Variants in DIAPH3 observed in about 807,000 individuals in gnomAD.
DIAPH3 encodes the protein protein diaphanous homolog 3.
A neutral mutation model predicts 144.3 loss-of-function variants in DIAPH3; 117 were observed. The ratio of observed to expected loss-of-function variants is 0.81; its 90% CI spans 0.70 to 0.95. The LOEUF (loss-of-function observed/expected upper bound fraction) is 0.95. Among genes scored for constraint, DIAPH3 ranks in the 40% least tolerant of loss-of-function variants. DIAPH3 has a pLI of 0.00. For synonymous variants in DIAPH3, 519 were observed against 488.9 expected, an observed-to-expected ratio of 1.06 and a Z score of -0.81; for missense variants, 1,421 against 1,412.7, an observed-to-expected ratio of 1.01 and a Z score of -0.09.
At chr13:60,149,073 A>C (rs1869983164) in intron 1 of DIAPH3, among the ~76,000 whole-genome samples, 2 of 152,246 alleles carry the variant, frequency 1.3e-5, no homozygotes, top group South Asian at 2.1e-4. Flanking sequence ...CAAAGGGTCA[A>C]GGGAAAGTTG....
chr13:59,953,357 G>T (rs1404142592), intron 17 of DIAPH3, among the ~76,000 whole-genome samples: 1 of 152,144 alleles, frequency 6.6e-6, no homozygotes, highest in African/African-American at 2.4e-5. Context: ...AATGTTTCCA[G>T]AAGCTTCAGC....
At chr13:60,109,421 CCCCGA>C (rs2058506783) in intron 3 of DIAPH3, among the ~76,000 whole-genome samples, 1 of 149,402 alleles carries the variant, frequency 6.7e-6, no homozygotes, top group Non-Finnish European at 1.5e-5. Context: ...TCCTTCCCTC[CCCCGA>C]CCCCAATCTA....
At chr13:59,993,702 T>TAAAAAAAAAAAAAAAAAAAAAAAAAA (rs3078724) in intron 9 of DIAPH3, among the ~76,000 whole-genome samples, 17 of 73,868 alleles carry the variant, frequency 2.3e-4, no homozygotes, top group African/African-American at 8.5e-4. Context: ...GAAACATACT[T>TAAAAAAAAAAAAAAAAAAAAAAAAAA]AAAAAAAAAA....
rs373285254 is a variant in DIAPH3, at chr13:59,714,265, C to T, written c.3320-47419G>A. Among the ~76,000 whole-genome samples, 29 of 146,584 alleles carry T rather than the reference C, an allele frequency of 2.0e-4. No individual in the cohort carries two copies. The East Asian group carries it at 3.2e-3, about 16-fold the overall frequency. On this transcript the variant is annotated intron_variant, in intron 27 of 27. Coordinates refer to ENST00000400324, the MANE Select transcript of DIAPH3 (RefSeq NM_001042517.2). ...GTCCCAGCTACTTGGGAGGCTGAGG[C>T]AGGAGAATGGCGTGAACCCGGGAGG...
At chr13:60,082,193 G>A in intron 4 of DIAPH3, among the ~76,000 whole-genome samples, 1 of 150,338 alleles carries the variant, frequency 6.7e-6, no homozygotes, top group Non-Finnish European at 1.5e-5. Context: ...AAACTAACAA[G>A]GAACACAAGA....
chr13:60,074,709 C>A (rs896869105), intron 4 of DIAPH3, among the ~76,000 whole-genome samples: 7 of 152,118 alleles, frequency 4.6e-5, no homozygotes, highest in Non-Finnish European at 1.0e-4. Context: ...CAGACACCCA[C>A]TCATTCACAG....
At chr13:59,982,706 T>G (rs1352904376) in intron 13 of DIAPH3, among the ~76,000 whole-genome samples, 1 of 151,652 alleles carries the variant, frequency 6.6e-6, no homozygotes, top group Non-Finnish European at 1.5e-5. Context: ...TCATATCAAT[T>G]AACTTGTACT....
At chr13:60,111,220 A>G (rs981427587) in intron 3 of DIAPH3, among the ~76,000 whole-genome samples, 3 of 152,220 alleles carry the variant, frequency 2.0e-5, no homozygotes, top group Admixed American at 6.5e-5. Flanking sequence ...CCTCATTAAC[A>G]GAGGCAAAGG....
At chr13:60,003,207 G>A (rs1391470853) in intron 9 of DIAPH3, among the ~76,000 whole-genome samples, 3 of 152,070 alleles carry the variant, frequency 2.0e-5, no homozygotes, top group Admixed American at 6.6e-5. Context: ...ACAGTGCAGC[G>A]TATCTTCTGT....
intron 27 of DIAPH3, among the ~76,000 whole-genome samples, chr13:59,694,826 A>T (rs1440461618): frequency 6.6e-6 from 1 of 152,158 alleles, no homozygotes; most frequent in African/African-American, 2.4e-5. Context: ...AGGGCCCTAA[A>T]ATATAAATAT....
intron 27 of DIAPH3, among the ~76,000 whole-genome samples, chr13:59,682,070 T>C (rs1246451326): frequency 1.3e-5 from 2 of 152,228 alleles, no homozygotes; most frequent in Non-Finnish European, 2.9e-5. Context: ...TTTCTGCTTA[T>C]ATGGTACAGA....
At chr13:60,015,708 T>C (rs1270027632) in intron 7 of DIAPH3, among the ~76,000 whole-genome samples, 1 of 151,998 alleles carries the variant, frequency 6.6e-6, no homozygotes, top group Non-Finnish European at 1.5e-5. Context: ...AACCTATACA[T>C]GAGGAGTTCA....
chr13:59,854,981 T>C (rs533923904), intron 22 of DIAPH3, among the ~76,000 whole-genome samples: 1 of 152,328 alleles, frequency 6.6e-6, no homozygotes, highest in South Asian at 2.1e-4. Flanking sequence ...TAGCTCAGTA[T>C]CTCAAAAAGC....
chr13:59,805,023 A>G lies in DIAPH3; in HGVS notation c.3163+5765T>C, dbSNP rs539010431. Among the ~76,000 whole-genome samples the G allele has an allele frequency of 3.3e-5, 5 of 152,258 alleles. No homozygotes were observed. The South Asian group carries it at 1.0e-3, about 32-fold the overall frequency. ...AGCAGTTTTGGCCATGTGGGTAAACAACAGATTTCTAAAAGCTAATTATCT... is the reference window on the plus strand; with the variant it reads ...AGCAGTTTTGGCCATGTGGGTAAACGACAGATTTCTAAAAGCTAATTATCT... On this transcript the variant is annotated intron_variant, in intron 25 of 27. Transcript: ENST00000400324.
chr13:60,088,785 C>A (rs778306179), intron 4 of DIAPH3, among the ~76,000 whole-genome samples: 1 of 152,064 alleles, frequency 6.6e-6, no homozygotes, highest in Non-Finnish European at 1.5e-5. Context: ...CTACACCCAG[C>A]TAATTTTTGT....
At chr13:60,159,625 CAA>C (rs57606784) in intron 1 of DIAPH3, among the ~76,000 whole-genome samples, 7 of 120,038 alleles carry the variant, frequency 5.8e-5, no homozygotes, top group Admixed American at 8.7e-5. Context: ...CTTTGTCTCA[CAA>C]AAAAAAAAAA....
chr13:59,739,634 T>G (rs903822396), intron 27 of DIAPH3, among the ~76,000 whole-genome samples: 1 of 152,154 alleles, frequency 6.6e-6, no homozygotes, highest in Admixed American at 6.5e-5. Flanking sequence ...TTATTGATTT[T>G]AAATAGAGAA....
At chr13:60,139,528 A>G (rs923372519) in intron 1 of DIAPH3, among the ~76,000 whole-genome samples, 1 of 152,214 alleles carries the variant, frequency 6.6e-6, no homozygotes, top group African/African-American at 2.4e-5. Context: ...AGGAGAGCCA[A>G]CGAGAGATCA....
At chr13:59,976,252 A>G (rs2050675754) in intron 14 of DIAPH3, among the ~76,000 whole-genome samples, 1 of 151,920 alleles carries the variant, frequency 6.6e-6, no homozygotes, top group African/African-American at 2.4e-5. Flanking sequence ...ACCAAATTCC[A>G]ATTCCAGAAG....
Sources: allele counts gnomAD v4.1 joint callset (sites outside exome capture counted in the v4.1 genomes callset), GRCh38; gene constraint gnomAD v4.1.1; transcripts MANE v1.5; gene names NCBI Gene and HGNC (gene_info 2026-07-23, HGNC 2026-07-21).